CCNE2: variants seen among roughly 807,000 people sequenced by gnomAD.
The protein encoded by CCNE2 is cyclin E2.
CCNE2 carries 18 observed loss-of-function variants against 56.8 expected under a neutral mutation model. That is an observed-to-expected ratio of 0.32 (90% CI 0.22 to 0.47). The LOEUF (loss-of-function observed/expected upper bound fraction) is 0.47. Among genes scored for constraint, CCNE2 ranks in the 20% least tolerant of loss-of-function variants. CCNE2 has a pLI of 1.00. For missense variants in CCNE2, 371 were observed against 467.1 expected, an observed-to-expected ratio of 0.79 and a Z score of 1.90; for synonymous variants, 139 against 149.2, an observed-to-expected ratio of 0.93 and a Z score of 0.50.
chr8:94,891,896 A>G, intron 5 of CCNE2: 1 of 1,377,786 alleles, frequency 7.3e-7, no homozygotes, highest in Non-Finnish European at 1.0e-6. Flanking sequence ...CTGGTCATTG[A>G]GCATCTCCAA....
chr8:94,893,649 G>A, intron 4 of CCNE2: 1 of 540,526 alleles, frequency 1.9e-6, no homozygotes, highest in Non-Finnish European at 3.3e-6. Flanking sequence ...GCACCAGGCA[G>A]TTCCAAGAGG....
chr8:94,884,955 A>G (rs1370282713), intron 9 of CCNE2, 112 bp downstream of exon 9: 1 of 906,348 alleles, frequency 1.1e-6, no homozygotes, highest in Non-Finnish European at 1.6e-6. Context: ...TTGTTCTAGA[A>G]TTAAGGAGTG....
intron 8 of CCNE2, 127 bp from the exon 9 acceptor site, chr8:94,885,328 A>AAC: frequency 9.4e-7 from 1 of 1,064,782 alleles, no homozygotes; most frequent in Non-Finnish European, 1.4e-6. Flanking sequence ...TTGATGCATT[A>AAC]ACCTCTTAGA....
chr8:94,884,334 A>T (rs1424976836), intron 9 of CCNE2, among the ~76,000 whole-genome samples: 1 of 130,830 alleles, frequency 7.6e-6, no homozygotes, highest in African/African-American at 2.9e-5. Context: ...AAAGAATGGG[A>T]TCTCCTCTTT....
At chr8:94,887,477 C>T (rs1364520789) in intron 7 of CCNE2, among the ~76,000 whole-genome samples, 1 of 152,002 alleles carries the variant, frequency 6.6e-6, no homozygotes, top group East Asian at 1.9e-4. Context: ...TGCACTCCAG[C>T]CTGGGCAAAA....
chr8:94,883,413 T>C (rs896862490), intron 9 of CCNE2, among the ~76,000 whole-genome samples: 2 of 152,218 alleles, frequency 1.3e-5, no homozygotes, highest in South Asian at 4.1e-4. Context: ...TTGCCATAAA[T>C]GGGTCTTAAA....
In CCNE2 at chr8:94,882,186, A is replaced by C; in HGVS notation, c.1047T>G (p.Ile349Met). The C allele has an allele frequency of 6.2e-7, 1 of 1,613,480 alleles. No homozygotes were observed. Among genetic ancestry groups the C allele is most frequent in the Non-Finnish European group, 8.5e-7 (1 of 1,179,732 alleles). ...GGATATTATGTCTGTCTTCCATAGGAATCTTCTTAAAAGTCTTCAGCTTCA... is the reference window on the plus strand; with the variant it reads ...GGATATTATGTCTGTCTTCCATAGGCATCTTCTTAAAAGTCTTCAGCTTCA... ...SPVKLKTFKK[I>M]PMEDRHNIQT... Residue 349 changes from isoleucine to methionine, a missense_variant, in exon 11 of 12, where the codon ATT (isoleucine) becomes ATG (methionine). Ile to Met is a conservative substitution (Grantham distance 10). Coordinates refer to ENST00000308108, the MANE Select transcript of CCNE2 (RefSeq NM_057749.3).
intron 5 of CCNE2, chr8:94,892,097 CA>C (rs1231889196): frequency 1.1e-5 from 7 of 641,254 alleles, no homozygotes; most frequent in Non-Finnish European, 2.0e-5. Flanking sequence ...AAACTTATGG[CA>C]CAGGAGTAAA....
intron 9 of CCNE2, among the ~76,000 whole-genome samples, chr8:94,884,091 AAAAT>A (rs1352806622): frequency 6.6e-6 from 1 of 152,178 alleles, no homozygotes; most frequent in Non-Finnish European, 1.5e-5. Flanking sequence ...AAAGTTTTAT[AAAAT>A]AAACCAATTT....
Position 94,881,064 on chromosome 8 carries a change from C to G in CCNE2, c.*568G>C, listed in dbSNP as rs1473778108. ...AACTAGTTTAAAAAACATTAAATTT[C>G]ACCATTTGTAGAAATTCAAGTTTTA... is the stretch of plus-strand genomic sequence containing the variant. On this transcript the variant is annotated 3_prime_UTR_variant, in exon 12 of 12. Coordinates refer to ENST00000308108, the MANE Select transcript of CCNE2 (RefSeq NM_057749.3). 1 of 397,930 alleles carries G rather than the reference C, an allele frequency of 2.5e-6. No homozygotes were observed. The highest frequency in any genetic ancestry group is 4.4e-6 in the Non-Finnish European group (1 of 225,580). The allele number at this position is 397,930 out of a possible 1,614,324, so 24.6% of individuals were successfully genotyped here.
At position 94,882,143 on chromosome 8, in the gene CCNE2, A is replaced by T; in HGVS notation, c.1090T>A (p.Leu364Met). 6.2e-7 allele frequency: 1 copy of T among 1,605,648 alleles called. No homozygotes were observed. The highest frequency in any genetic ancestry group is 8.5e-7 in the Non-Finnish European group (1 of 1,177,360). ...RHNIQTHTNYLAMLEEVNYIN... is the reference protein window; with the variant it reads ...RHNIQTHTNYMAMLEEVNYIN... ...ACAAAAAAACATACCAGCATAGCCA[A>T]ATAGTTTGTATGTGTCTGGATATTA... The change falls in exon 11 of 12, where the codon TTG (leucine) becomes ATG (methionine). Residue 364 changes from leucine (L) to methionine (M), a missense_variant. By Grantham distance (15) the Leu-to-Met change is conservative. Transcript: ENST00000308108.
chr8:94,889,906 G>A (rs769362738), intron 6 of CCNE2, among the ~76,000 whole-genome samples: 13 of 152,062 alleles, frequency 8.5e-5, no homozygotes, highest in African/African-American at 2.2e-4. Flanking sequence ...GGTATATTTC[G>A]GAAAAGAATA....
At chr8:94,895,116 T>C in intron 1 of CCNE2, 61 bp downstream of exon 1, 1 of 930,732 alleles carries the variant, frequency 1.1e-6, no homozygotes, top group African/African-American at 1.8e-5. Flanking sequence ...CTGTGGTAAG[T>C]GATCGGCCCA....
rs1816822629 is a variant in CCNE2, at chr8:94,881,726, T to C, written c.1121A>G (p.Asn374Ser). 1.9e-6 allele frequency: 3 copies of C among 1,613,670 alleles called. No homozygotes were observed. Among genetic ancestry groups the C allele is most frequent in the African/African-American group, 2.7e-5 (2 of 74,900 alleles). Residue 374 changes from asparagine to serine, a missense_variant, in exon 12 of 12, where the codon AAC (asparagine) becomes AGC (serine). Transcript: ENST00000308108. ...CAACTGTCCCCCTTTTCTGAAGGTG[T>C]TTATGTAATTTACTTCCTCCTATAC... ...LAMLEEVNYINTFRKGGQLSP... is the reference protein window; with the variant it reads ...LAMLEEVNYISTFRKGGQLSP...
chr8:94,883,548 A>G (rs1193425609), intron 9 of CCNE2, among the ~76,000 whole-genome samples: 1 of 152,220 alleles, frequency 6.6e-6, no homozygotes, highest in African/African-American at 2.4e-5. Flanking sequence ...TTCATTTCTT[A>G]TCAAGAAAGA....
At chr8:94,882,731 C>T in intron 10 of CCNE2, 50 bp downstream of exon 10, 1 of 1,200,826 alleles carries the variant, frequency 8.3e-7, no homozygotes, top group Middle Eastern at 1.9e-4. Context: ...AGACTGTAGT[C>T]CCATTAGAAG....
chr8:94,890,269 G>T, intron 6 of CCNE2, 146 bp downstream of exon 6: 2 of 567,614 alleles, frequency 3.5e-6, no homozygotes, highest in Non-Finnish European at 5.8e-6. Flanking sequence ...TCCACTTTGG[G>T]TGCAATCAAC....
chr8:94,895,908 T>A (rs1817503446), upstream of CCNE2: 1 of 153,382 alleles, frequency 6.5e-6, no homozygotes, highest in Non-Finnish European at 1.4e-5. Context: ...AGGGAAGGCA[T>A]TTCCAGCCCG....
At chr8:94,882,756 G>GA in intron 10 of CCNE2, 25 bp downstream of exon 10, 2 of 1,464,448 alleles carry the variant, frequency 1.4e-6, no homozygotes, top group Non-Finnish European at 1.9e-6. Context: ...GAAAAGGTAA[G>GA]AAGACAACAA....
Sources: allele counts gnomAD v4.1 joint callset (sites outside exome capture counted in the v4.1 genomes callset), GRCh38; gene constraint gnomAD v4.1.1; transcripts MANE v1.5; gene names NCBI Gene and HGNC (gene_info 2026-07-23, HGNC 2026-07-21).